Variants in CYFIP1 observed in about 807,000 individuals in gnomAD.
CYFIP1 encodes the protein cytoplasmic FMR1-interacting protein 1.
CYFIP1 carries 58 observed loss-of-function variants against 163.5 expected under a neutral mutation model. The ratio of observed to expected loss-of-function variants is 0.35; its 90% confidence interval spans 0.29 to 0.44. The LOEUF (loss-of-function observed/expected upper bound fraction) is 0.44. Ranked by LOEUF, CYFIP1 falls within the 20% of genes least tolerant of loss-of-function variation. The pLI is 1.00. For missense variants in CYFIP1, 1,338 were observed against 1,653.8 expected (o/e 0.81, Z 3.31); for synonymous variants, 663 against 660.7 (o/e 1.00, Z -0.05).
At chr15:22,949,247 A>AGGGC (rs2062165738) in intron 1 of CYFIP1, among the ~76,000 whole-genome samples, 1 of 151,386 alleles carries the variant, frequency 6.6e-6, no homozygotes, top group South Asian at 2.1e-4. Flanking sequence ...GGCAGGCCGG[A>AGGGC]GGGCGGGCAC....
At chr15:22,912,057 G>T in intron 18 of CYFIP1, 122 bp downstream of exon 18, 2 of 867,014 alleles carry the variant, frequency 2.3e-6, no homozygotes, top group Non-Finnish European at 3.5e-6. Flanking sequence ...GCTCCCACAT[G>T]CTTGCTTCGT....
upstream of CYFIP1, among the ~76,000 whole-genome samples, chr15:22,980,845 G>T (rs1282132025): frequency 6.6e-6 from 1 of 151,696 alleles, no homozygotes; most frequent in Admixed American, 6.6e-5. Context: ...GCAGGTCGGC[G>T]CGCAGAGCCC....
intron 8 of CYFIP1, among the ~76,000 whole-genome samples, chr15:22,938,213 A>G (rs2140062223): frequency 6.6e-6 from 1 of 152,338 alleles, no homozygotes; most frequent in African/African-American, 2.4e-5. Flanking sequence ...ATAATAAAGA[A>G]TATGGTGAAC....
intron 22 of CYFIP1, among the ~76,000 whole-genome samples, chr15:22,899,071 CAA>C (rs757072157): frequency 9.7e-4 from 148 of 151,988 alleles, no homozygotes; most frequent in Non-Finnish European, 1.8e-3. Context: ...CTCCTGGACT[CAA>C]GAGATCTTCC....
chr15:22,886,344 G>A (rs902613563), intron 23 of CYFIP1, among the ~76,000 whole-genome samples: 3 of 152,176 alleles, frequency 2.0e-5, no homozygotes, highest in African/African-American at 7.2e-5. Flanking sequence ...CAGATAGCAG[G>A]AGACCCCTAC....
At chr15:22,938,687 G>A (rs1017007123) in intron 8 of CYFIP1, among the ~76,000 whole-genome samples, 2 of 152,050 alleles carry the variant, frequency 1.3e-5, no homozygotes, top group African/African-American at 2.4e-5. Context: ...AGGGTCCCTT[G>A]AGCCCAGGAG....
intron 23 of CYFIP1, among the ~76,000 whole-genome samples, chr15:22,886,818 A>C (rs2059938810): frequency 6.6e-6 from 1 of 152,120 alleles, no homozygotes; most frequent in African/African-American, 2.4e-5. Context: ...GGTGGTGTTC[A>C]GTTCTTTTCT....
intron 23 of CYFIP1, among the ~76,000 whole-genome samples, chr15:22,889,609 C>A (rs2060015116): frequency 6.6e-6 from 1 of 152,188 alleles, no homozygotes; most frequent in Non-Finnish European, 1.5e-5. Context: ...TGCACGGCCC[C>A]ACGCAGTCGG....
chr15:22,893,060 C>G, intron 22 of CYFIP1, 83 bp from the exon 23 acceptor site: 2 of 958,520 alleles, frequency 2.1e-6, no homozygotes, highest in Non-Finnish European at 3.2e-6. Context: ...CATAATCCAT[C>G]TACTAAATCT....
chr15:22,914,895 AAAC>A lies in CYFIP1; in HGVS notation c.1829-16_1829-14del. 1 of 1,600,224 alleles carries A rather than the reference AAAC, an allele frequency of 6.2e-7. No individual in the cohort carries two copies. The highest frequency in any genetic ancestry group is 8.5e-7 in the Non-Finnish European group (1 of 1,174,596). On this transcript the variant is annotated splice_polypyrimidine_tract_variant and intron_variant, in intron 16 of 30. Coordinates refer to ENST00000617928, the MANE Select transcript of CYFIP1 (RefSeq NM_014608.6). ...TGCTGCAGCGTTTCTGGGAGGGTTC[AAAC>A]AACTCCATGTTATCTCCCGCAAGCA... is the stretch of plus-strand genomic sequence containing the variant.
chr15:22,916,354 G>T (rs1009833199), intron 16 of CYFIP1, 123 bp downstream of exon 16: 5 of 728,404 alleles, frequency 6.9e-6, no homozygotes, highest in Admixed American at 4.8e-5. Flanking sequence ...AGGGCAGGAC[G>T]AGTCACCGTC....
intron 1 of CYFIP1, among the ~76,000 whole-genome samples, chr15:22,966,574 T>G (rs1047485655): frequency 6.6e-6 from 1 of 151,884 alleles, no homozygotes; most frequent in African/African-American, 2.4e-5. Context: ...ACCCAGTCGC[T>G]GGTACTGTGT....
chr15:22,912,226 G>A lies in CYFIP1; in HGVS notation c.2035C>T (p.Leu679Phe). The change falls in exon 18 of 31, where the codon CTC (leucine) becomes TTC (phenylalanine). Residue 679 changes from leucine to phenylalanine, a missense_variant. Transcript: ENST00000617928. ...AGGAACTGCTTGTTGAACCTGGTGA[G>A]CGCGTAGTGGGCGCTGTCATTGTAC... ...DLYNDSAHYALTRFNKQFLYD... is the reference protein window; with the variant it reads ...DLYNDSAHYAFTRFNKQFLYD... The A allele has an allele frequency of 6.2e-7, 1 of 1,614,096 alleles. No individual in the cohort carries two copies. Among genetic ancestry groups the A allele is most frequent in the Non-Finnish European group, 8.5e-7 (1 of 1,179,986 alleles).
At chr15:22,975,371 G>A (rs559140626) in intron 1 of CYFIP1, among the ~76,000 whole-genome samples, 9 of 149,392 alleles carry the variant, frequency 6.0e-5, no homozygotes, top group African/African-American at 1.5e-4. Context: ...TCAGGAGGCC[G>A]AGGCAGGAGA....
At position 22,965,024 on chromosome 15, in the gene CYFIP1, A is replaced by G. The variant is rs187822205; in HGVS notation, c.-7+15263T>C. 4.3e-3 allele frequency among the ~76,000 whole-genome samples: 619 copies of G among 145,478 alleles called. 1 individual carries two copies. The highest frequency in any genetic ancestry group is 7.2e-3 in the Non-Finnish European group (479 of 66,508). ...AGGATTTCCTTCTTTTTAAAGGCTGAATAGTATTCCATTGTGTGTGTGTGT... is the reference window on the plus strand; with the variant it reads ...AGGATTTCCTTCTTTTTAAAGGCTGGATAGTATTCCATTGTGTGTGTGTGT... On this transcript the variant is annotated intron_variant, in intron 1 of 30. Transcript: ENST00000617928.
At chr15:22,944,725 C>G (rs952545947) in intron 4 of CYFIP1, 66 bp from the exon 5 acceptor site, 13 of 1,540,500 alleles carry the variant, frequency 8.4e-6, no homozygotes, top group Middle Eastern at 3.4e-4. Context: ...CGCTGGGCTT[C>G]TAGAGCTAGT....
intron 18 of CYFIP1, among the ~76,000 whole-genome samples, chr15:22,911,144 C>T (rs2060775533): frequency 6.6e-6 from 1 of 151,906 alleles, no homozygotes; most frequent in South Asian, 2.1e-4. Context: ...CCACTGCACT[C>T]CAGCCTCGGC....
rs953293280 is a variant in CYFIP1 at position 22,945,798 on chromosome 15, G to A, written c.208-859C>T. 2.6e-5 allele frequency among the ~76,000 whole-genome samples: 4 copies of A among 151,758 alleles called. 1 individual carries two copies. In the South Asian group the frequency reaches 8.3e-4, roughly 32 times the overall value. Reference sequence around the variant, plus strand: ...GGGTTTCACCATGTTGGCCAGGCTGGTCTCGAACTCCTGACCCTAGGTGAT... The same window carrying A: ...GGGTTTCACCATGTTGGCCAGGCTGATCTCGAACTCCTGACCCTAGGTGAT... On this transcript the variant is annotated intron_variant, in intron 3 of 30. Coordinates refer to ENST00000617928, the MANE Select transcript of CYFIP1 (RefSeq NM_014608.6).
chr15:22,885,459 G>A (rs555004947), intron 23 of CYFIP1, among the ~76,000 whole-genome samples: 28 of 152,278 alleles, frequency 1.8e-4, no homozygotes, highest in South Asian at 8.3e-4. Flanking sequence ...CAGGCAGGGC[G>A]TGGTGGCTCA....
Sources: allele counts gnomAD v4.1 joint callset (sites outside exome capture counted in the v4.1 genomes callset), GRCh38; gene constraint gnomAD v4.1.1; transcripts MANE v1.5; gene names NCBI Gene and HGNC (gene_info 2026-07-23, HGNC 2026-07-21).